TIGIT: variants seen among roughly 807,000 people sequenced by gnomAD.
TIGIT encodes T cell immunoreceptor with Ig and ITIM domains.
A neutral mutation model predicts 19.6 loss-of-function variants in TIGIT; 11 were observed. The ratio of observed to expected loss-of-function variants is 0.56; its 90% CI spans 0.35 to 0.93. TIGIT has a LOEUF of 0.93. Ranked by LOEUF, TIGIT falls within the 40% of genes least tolerant of loss-of-function variation. TIGIT has a pLI of 0.01. For synonymous variants in TIGIT, 130 were observed against 125.5 expected, an observed-to-expected ratio of 1.04 and a Z score of -0.24; for missense variants, 295 against 303.9, an observed-to-expected ratio of 0.97 and a Z score of 0.22.
At chr3:114,305,652 G>T (rs1016714451) in intron 3 of TIGIT, among the ~76,000 whole-genome samples, 1 of 152,142 alleles carries the variant, frequency 6.6e-6, no homozygotes, top group Non-Finnish European at 1.5e-5. Context: ...CAGAGAAGGG[G>T]CTGCTGTGAG....
At chr3:114,298,806 C>T (rs1223026188) in intron 2 of TIGIT, among the ~76,000 whole-genome samples, 1 of 152,166 alleles carries the variant, frequency 6.6e-6, no homozygotes, top group Non-Finnish European at 1.5e-5. Flanking sequence ...TTGAAGACTC[C>T]CCTGGATACC....
intron 1 of TIGIT, 54 bp from the exon 2 acceptor site, chr3:114,295,491 G>T (rs939535731): frequency 6.7e-6 from 10 of 1,490,258 alleles, no homozygotes; most frequent in Admixed American, 5.8e-5. Context: ...TTCTAGGAAG[G>T]TTGAAGGCCA....
chr3:114,303,597 GTATATATATATA>G (rs368266926), intron 3 of TIGIT, among the ~76,000 whole-genome samples: 1 of 7,874 alleles, frequency 1.3e-4, no homozygotes, highest in Non-Finnish European at 3.3e-4. Flanking sequence ...ACATATATAT[GTATATATATATA>G]TACATATATA....
intron 3 of TIGIT, among the ~76,000 whole-genome samples, chr3:114,303,091 A>C (rs1410030096): frequency 6.6e-6 from 1 of 152,160 alleles, no homozygotes; most frequent in African/African-American, 2.4e-5. Flanking sequence ...TTTTATGTGT[A>C]ATAAAATATT....
At chr3:114,298,328 C>T (rs1166150136) in intron 2 of TIGIT, among the ~76,000 whole-genome samples, 2 of 152,128 alleles carry the variant, frequency 1.3e-5, no homozygotes, top group Non-Finnish European at 2.9e-5. Context: ...CACTCTGGTC[C>T]CAATTGTATC....
chr3:114,299,021 ATATT>A (rs1299962138), intron 2 of TIGIT, among the ~76,000 whole-genome samples: 1 of 152,184 alleles, frequency 6.6e-6, no homozygotes, highest in East Asian at 1.9e-4. Flanking sequence ...TATGCCACAA[ATATT>A]TATATTTACT....
chr3:114,305,786 AT>A, intron 3 of TIGIT, among the ~76,000 whole-genome samples: 1 of 73,764 alleles, frequency 1.4e-5, no homozygotes, highest in Non-Finnish European at 3.9e-5. Flanking sequence ...ATATAGATGG[AT>A]GGATGGATGG....
intron 2 of TIGIT, among the ~76,000 whole-genome samples, chr3:114,296,533 T>C (rs2078454644): frequency 6.6e-6 from 1 of 152,214 alleles, no homozygotes; most frequent in South Asian, 2.1e-4. Flanking sequence ...TGTGTATCAG[T>C]TTTCTCATCT....
At chr3:114,301,499 G>A (rs1455410652) in intron 3 of TIGIT, among the ~76,000 whole-genome samples, 2 of 152,228 alleles carry the variant, frequency 1.3e-5, no homozygotes, top group Non-Finnish European at 2.9e-5. Flanking sequence ...TGATCTCTTA[G>A]CTGGGAAGGG....
chr3:114,294,231 T>C (rs989795678), intron 1 of TIGIT, 109 bp downstream of exon 1: 58 of 831,718 alleles, frequency 7.0e-5, no homozygotes, highest in Non-Finnish European at 1.1e-4. Context: ...CACAGCTGCT[T>C]GAGAGAAAGA....
At chr3:114,297,928 T>A (rs949544088) in intron 2 of TIGIT, among the ~76,000 whole-genome samples, 1 of 152,246 alleles carries the variant, frequency 6.6e-6, no homozygotes, top group Non-Finnish European at 1.5e-5. Context: ...GTTTCCCAAG[T>A]GGTCAGTTGC....
intron 3 of TIGIT, among the ~76,000 whole-genome samples, chr3:114,304,763 T>C (rs1239344081): frequency 2.0e-5 from 3 of 152,156 alleles, no homozygotes; most frequent in Non-Finnish European, 4.4e-5. Flanking sequence ...TTCTTTTCCA[T>C]CAAGGGGAAG....
At chr3:114,296,890 C>CTTTTTTTTTTTTTTTTTTTTTT (rs11289140) in intron 2 of TIGIT, among the ~76,000 whole-genome samples, 1 of 112,884 alleles carries the variant, frequency 8.9e-6, no homozygotes, top group Non-Finnish European at 1.8e-5. Context: ...AATGTTACTT[C>CTTTTTTTTTTTTTTTTTTTTTT]TTTTTTTTTT....
intron 3 of TIGIT, among the ~76,000 whole-genome samples, chr3:114,303,065 G>T (rs548318709): frequency 6.6e-6 from 1 of 152,126 alleles, no homozygotes; most frequent in East Asian, 1.9e-4. Flanking sequence ...ACACTAAAAT[G>T]TTAATTTCAT....
intron 3 of TIGIT, chr3:114,307,638 C>T (rs2107956563): frequency 2.1e-6 from 1 of 483,252 alleles, no homozygotes; most frequent in East Asian, 3.7e-5. Flanking sequence ...AAAGCTGCCT[C>T]ACTAAGCTTA....
chr3:114,299,679 C>T lies in TIGIT; in HGVS notation c.474C>T (p.Ile158=), dbSNP rs914483001. Residue 158 remains isoleucine, a synonymous_variant, in exon 3 of 4, where the codon ATC becomes ATT. Coordinates refer to ENST00000383671, the MANE Select transcript of TIGIT (RefSeq NM_173799.4). ...TGGTGGTCATCTGCACAGCAGTCAT[C>T]GTGGTGGTCGCGTTGACTAGAAAGG... is the stretch of plus-strand genomic sequence containing the variant. ...ATLVVICTAV[I]VVVALTRKKK... is the part of the protein sequence containing the mutation. The T allele has an allele frequency of 9.3e-6, 15 of 1,612,374 alleles. No individual in the cohort carries two copies. Among genetic ancestry groups the T allele is most frequent in the African/African-American group, 1.3e-5 (1 of 74,922 alleles).
In TIGIT at chr3:114,307,947, C is replaced by G. The variant is rs371034512; in HGVS notation, c.551C>G (p.Ala184Gly). Reference protein sequence around the residue: ...SVEGDLRRKSAGQEEWSPSAP... With the variant: ...SVEGDLRRKSGGQEEWSPSAP... ...GAAGGTGACCTCAGGAGAAAATCAG[C>G]TGGACAGGAGGAATGGAGCCCCAGT... Residue 184 changes from alanine to glycine, a missense_variant, in exon 4 of 4, where the codon GCT becomes GGT. By Grantham distance (60) the Ala-to-Gly change is moderately conservative. Coordinates refer to ENST00000383671, the MANE Select transcript of TIGIT (RefSeq NM_173799.4). 1 of 1,614,042 alleles carries G rather than the reference C, an allele frequency of 6.2e-7. No homozygotes were observed. Among genetic ancestry groups the G allele is most frequent in the Non-Finnish European group, 8.5e-7 (1 of 1,180,032 alleles).
intron 2 of TIGIT, among the ~76,000 whole-genome samples, chr3:114,298,484 A>G (rs1576137730): frequency 6.6e-6 from 1 of 152,150 alleles, no homozygotes. Context: ...TCTGTCCCCA[A>G]ACTGATCATA....
At chr3:114,303,529 G>GTA (rs1309447921) in intron 3 of TIGIT, among the ~76,000 whole-genome samples, 200 of 9,466 alleles carry the variant, frequency 0.021, 1 homozygote, top group African/African-American at 0.028. Context: ...ACATATATAT[G>GTA]TATATATATA....
Sources: gnomAD v4.1 joint callset for allele counts (sites outside exome capture counted in the v4.1 genomes callset) on GRCh38, gnomAD v4.1.1 for gene constraint, MANE v1.5 for transcripts, NCBI Gene and HGNC (gene_info 2026-07-23, HGNC 2026-07-21) for gene names.